Variants in LRRC9 observed in about 807,000 individuals in gnomAD.
The protein encoded by LRRC9 is leucine rich repeat containing 9.
In LRRC9, 122 loss-of-function variants were observed where a neutral mutation model predicts 63.2. The observed-to-expected ratio is 1.93, with a 90% CI of 1.67 to 2.24. The LOEUF is 2.24. Ranked by LOEUF, LRRC9 falls within the 30% of genes most tolerant of loss-of-function variation. LRRC9 has a pLI of 0.00. For missense variants in LRRC9, 1,071 were observed against 627.7 expected, an observed-to-expected ratio of 1.71 and a Z score of -7.55; for synonymous variants, 366 against 213.1, an observed-to-expected ratio of 1.72 and a Z score of -6.25.
At position 59,975,107 on chromosome 14, in the gene LRRC9, ATATATGTATATATATATATG is replaced by A. The variant is rs1566833429; in HGVS notation, c.1639+405_1639+424del. On this transcript the variant is annotated intron_variant, in intron 13 of 31. Coordinates refer to ENST00000445360, the Ensembl canonical transcript of LRRC9. ...GTGTAGTGTATATATATATACATATATATATGTATATATATATATGTATATATATATACATATATATATGT... is the reference window on the plus strand; with the variant it reads ...GTGTAGTGTATATATATATACATATATATATATATATACATATATATATGT... Among the ~76,000 whole-genome samples the A allele has an allele frequency of 4.4e-3, 77 of 17,350 alleles. 8 individuals are homozygous for A. Among genetic ancestry groups the A allele is most frequent in the Admixed American group, 0.025 (26 of 1,024 alleles). 11.4% of individuals were successfully genotyped at this position (17,350 alleles called of 152,430 possible).
In LRRC9 at chr14:60,019,263, A is replaced by G. The variant is rs1890931826; in HGVS notation, c.3566+3A>G. On this transcript the variant is annotated splice_donor_region_variant and intron_variant, in intron 26 of 31. Transcript: ENST00000445360. ...CAAGGAATTTCAAAAACAAACAGGT[A>G]GTATTCTTTATTTTTATGATTATAA... The G allele has an allele frequency of 1.5e-6, 1 of 681,452 alleles. No homozygotes were observed. Among genetic ancestry groups the G allele is most frequent in the Non-Finnish European group, 2.6e-6 (1 of 377,788 alleles). The allele number at this position is 681,452 out of a possible 1,614,324, so 42.2% of individuals were successfully genotyped here.
chr14:60,064,946 C>G (rs1595141078), downstream of LRRC9, among the ~76,000 whole-genome samples: 1 of 152,268 alleles, frequency 6.6e-6, no homozygotes, highest in East Asian at 1.9e-4. Flanking sequence ...ACATAACTTA[C>G]ACTGTATTCA....
chr14:60,037,229 T>C (rs1287238975), intron 29 of LRRC9, among the ~76,000 whole-genome samples: 1 of 152,240 alleles, frequency 6.6e-6, no homozygotes, highest in Non-Finnish European at 1.5e-5. Context: ...TAAACATATG[T>C]GTGCATGTGT....
At chr14:59,940,743 T>C (rs948095229) in intron 7 of LRRC9, among the ~76,000 whole-genome samples, 5 of 152,260 alleles carry the variant, frequency 3.3e-5, no homozygotes, top group African/African-American at 1.2e-4. Context: ...TATGAAACTA[T>C]AGTTGAATAT....
At chr14:59,959,425 G>A (rs1042977232) in intron 8 of LRRC9, among the ~76,000 whole-genome samples, 1 of 152,162 alleles carries the variant, frequency 6.6e-6, no homozygotes, top group Admixed American at 6.5e-5. Flanking sequence ...AAAAGTATGT[G>A]TGTTAAAAAT....
At chr14:59,943,996 C>A (rs921403319) in intron 7 of LRRC9, among the ~76,000 whole-genome samples, 4 of 151,798 alleles carry the variant, frequency 2.6e-5, no homozygotes, top group Admixed American at 6.6e-5. Context: ...TGTTGCATAT[C>A]TTAATTATGG....
rs1387427487 is a variant in LRRC9 at position 60,053,625 on chromosome 14, C to T, written c.4131+420C>T. 6.6e-6 allele frequency among the ~76,000 whole-genome samples: 1 copy of T among 152,104 alleles called. No homozygotes were observed. On this transcript the variant is annotated intron_variant, in intron 30 of 31. Transcript: ENST00000445360. This position sits in a 1 kb window ranked among gnomAD's most constrained non-coding sequence, Gnocchi z 4.8. ...AGAAAGGGAAGGAAGGAATTCTGAA[C>T]TCAACTCTCTGGATTGTGTAGTTTA... is the stretch of plus-strand genomic sequence containing the variant.
chr14:60,037,352 C>A (rs1203116476), intron 29 of LRRC9, among the ~76,000 whole-genome samples: 1 of 152,218 alleles, frequency 6.6e-6, no homozygotes, highest in Non-Finnish European at 1.5e-5. Context: ...CTGTCTTCCA[C>A]AATGGTTGAA....
At chr14:59,959,712 T>C in intron 8 of LRRC9, 106 bp from the exon 9 acceptor site, 1 of 495,464 alleles carries the variant, frequency 2.0e-6, no homozygotes, top group Non-Finnish European at 3.6e-6. Flanking sequence ...TCATTTAAAT[T>C]AGACATTTGT....
exon 16 of LRRC9, chr14:59,982,010 G>A: frequency 4.3e-6 from 3 of 702,576 alleles, no homozygotes; most frequent in Non-Finnish European, 7.8e-6. Context: ...TAGTTTGGAT[G>A]ATAAAACAAT....
chr14:60,044,410 C>T (rs1277982885), intron 29 of LRRC9, among the ~76,000 whole-genome samples: 3 of 152,058 alleles, frequency 2.0e-5, no homozygotes, highest in South Asian at 4.1e-4. Context: ...AGACTTTCAA[C>T]TTTTTTGACA....
At position 59,930,254 on chromosome 14, in the gene LRRC9, T is replaced by C. The variant is rs1889584385; in HGVS notation, c.268-664T>C. Among the ~76,000 whole-genome samples, 1 of 152,022 alleles carries C rather than the reference T, an allele frequency of 6.6e-6. No individual in the cohort carries two copies. Among genetic ancestry groups the C allele is most frequent in the South Asian group, 2.1e-4 (1 of 4,824 alleles). ...TAACATCTATTTTGAAAAGAAATATTGCAAAACATCAAGAGCCATCACAGA... is the reference window on the plus strand; with the variant it reads ...TAACATCTATTTTGAAAAGAAATATCGCAAAACATCAAGAGCCATCACAGA... On this transcript the variant is annotated intron_variant, in intron 3 of 31. Coordinates refer to ENST00000445360, the Ensembl canonical transcript of LRRC9. This position sits in a 1 kb window ranked among gnomAD's most constrained non-coding sequence, Gnocchi z 4.9.
chr14:59,960,849 C>A, intron 9 of LRRC9, 65 bp from the exon 10 acceptor site: 1 of 489,066 alleles, frequency 2.0e-6, no homozygotes, highest in Non-Finnish European at 3.6e-6. Flanking sequence ...AAAAATCTAT[C>A]ATAAGTTTTA....
intron 25 of LRRC9, 53 bp downstream of exon 25, chr14:60,018,532 C>G: frequency 1.6e-6 from 1 of 636,332 alleles, no homozygotes; most frequent in South Asian, 1.8e-5. Context: ...GCAAATTATT[C>G]TTTGCTTTGG....
chr14:60,045,158 T>C (rs1222862583), intron 29 of LRRC9, among the ~76,000 whole-genome samples: 1 of 151,894 alleles, frequency 6.6e-6, no homozygotes, highest in Non-Finnish European at 1.5e-5. Context: ...TCTAGTTGCA[T>C]GGAATATCTT....
chr14:59,987,886 A>G (rs934919915), intron 17 of LRRC9, among the ~76,000 whole-genome samples: 1 of 152,234 alleles, frequency 6.6e-6, no homozygotes, highest in African/African-American at 2.4e-5. Context: ...ATTCACATAG[A>G]AAGTACAGAA....
chr14:60,055,701 T>C (rs529278288), intron 30 of LRRC9, among the ~76,000 whole-genome samples: 1 of 144,642 alleles, frequency 6.9e-6, no homozygotes, highest in African/African-American at 2.6e-5. Flanking sequence ...GAGTGCAGCC[T>C]GGGGAACATG....
chr14:59,984,341 G>C (rs1435985613), intron 16 of LRRC9, among the ~76,000 whole-genome samples: 1 of 152,168 alleles, frequency 6.6e-6, no homozygotes, highest in African/African-American at 2.4e-5. Context: ...TGGTGGTGGT[G>C]AATGAAGATA....
rs753606239 is a variant in LRRC9, at chr14:59,990,178, C to T, written c.2211+4954C>T. On this transcript the variant is annotated intron_variant, in intron 17 of 31. Transcript: ENST00000445360. This position sits in a 1 kb window ranked among gnomAD's most constrained non-coding sequence, Gnocchi z 4.2. ...CCGACTTCAGGTGATCTGCCCGCCT[C>T]GACCTCCCAAAGTGCTGGGATTACA... Among the ~76,000 whole-genome samples the T allele has an allele frequency of 1.1e-4, 16 of 152,118 alleles. No homozygotes were observed. The highest frequency in any genetic ancestry group is 1.8e-4 in the Non-Finnish European group (12 of 68,012).
Sources: gnomAD v4.1 joint callset for allele counts (sites outside exome capture counted in the v4.1 genomes callset) on GRCh38, gnomAD v4.1.1 for gene constraint, Gnocchi (gnomAD v3.1) non-coding constraint, MANE v1.5 for transcripts, NCBI Gene and HGNC (gene_info 2026-07-23, HGNC 2026-07-21) for gene names.